Variants in SEMA6D observed in about 807,000 individuals in gnomAD.
SEMA6D encodes the protein semaphorin-6D.
A neutral mutation model predicts 106.6 loss-of-function variants in SEMA6D; 35 were observed. That is an observed-to-expected ratio of 0.33 (90% CI 0.25 to 0.44). The LOEUF is 0.44. Among genes scored for constraint, SEMA6D ranks in the 20% least tolerant of loss-of-function variants. The probability of loss-of-function intolerance (pLI) is 1.00; values close to 1 mark genes in which losing one functional copy is unlikely to be tolerated. For missense variants in SEMA6D, 1,185 were observed against 1,345.9 expected (o/e 0.88, Z 1.87); for synonymous variants, 499 against 487.7 (o/e 1.02, Z -0.31).
chr15:47,187,706 G>A (rs549749362), intron 1 of SEMA6D, among the ~76,000 whole-genome samples: 1 of 152,038 alleles, frequency 6.6e-6, no homozygotes, highest in African/African-American at 2.4e-5. Flanking sequence ...TTAATACTAT[G>A]TTGGGTCTGA....
intron 1 of SEMA6D, among the ~76,000 whole-genome samples, chr15:47,220,345 C>A (rs921711744): frequency 1.3e-5 from 2 of 152,068 alleles, no homozygotes; most frequent in African/African-American, 4.8e-5. Context: ...TTGTGGTGAG[C>A]TAGGTGATTG....
intron 4 of SEMA6D, among the ~76,000 whole-genome samples, chr15:47,658,837 C>T (rs2077858250): frequency 6.6e-6 from 1 of 152,056 alleles, no homozygotes; most frequent in African/African-American, 2.4e-5. Flanking sequence ...TCCACAAACA[C>T]ACACACATAT....
chr15:47,206,958 A>G (rs888800064), intron 1 of SEMA6D, among the ~76,000 whole-genome samples: 6 of 152,174 alleles, frequency 3.9e-5, no homozygotes, highest in African/African-American at 1.4e-4. Flanking sequence ...TTAAAAAACA[A>G]ATAAGAGAGA....
chr15:47,369,155 C>T (rs1436410494), intron 1 of SEMA6D, among the ~76,000 whole-genome samples: 1 of 152,140 alleles, frequency 6.6e-6, no homozygotes, highest in African/African-American at 2.4e-5. Flanking sequence ...ATTTAAGTGG[C>T]TTCTGGAGTG....
At chr15:47,193,909 G>C (rs1280987553) in intron 1 of SEMA6D, among the ~76,000 whole-genome samples, 1 of 151,846 alleles carries the variant, frequency 6.6e-6, no homozygotes, top group African/African-American at 2.4e-5. Flanking sequence ...CTTTTCTTTT[G>C]TTTGGTTAAC....
At chr15:47,727,416 G>T (rs1039200442) in intron 1 of SEMA6D, among the ~76,000 whole-genome samples, 4 of 152,200 alleles carry the variant, frequency 2.6e-5, no homozygotes, top group African/African-American at 7.2e-5. Flanking sequence ...TGGTGCTCTA[G>T]TGTAGCCAGA....
intron 1 of SEMA6D, among the ~76,000 whole-genome samples, chr15:47,204,747 A>G (rs139567079): frequency 1.6e-4 from 24 of 152,310 alleles, no homozygotes; most frequent in Middle Eastern, 3.4e-3. Context: ...TATATGAATT[A>G]AATGAAATAA....
intron 2 of SEMA6D, among the ~76,000 whole-genome samples, chr15:47,457,148 A>T (rs1431473851): frequency 6.6e-6 from 1 of 152,004 alleles, no homozygotes; most frequent in East Asian, 1.9e-4. Context: ...ATTCCTAAAG[A>T]CTGCTCTGGT....
intron 1 of SEMA6D, among the ~76,000 whole-genome samples, chr15:47,202,254 C>T (rs1373805403): frequency 6.6e-6 from 1 of 151,984 alleles, no homozygotes; most frequent in Admixed American, 6.6e-5. Flanking sequence ...AATAATTGGT[C>T]ACAGCCAGTC....
intron 1 of SEMA6D, among the ~76,000 whole-genome samples, chr15:47,314,412 A>C (rs938327040): frequency 2.3e-4 from 34 of 150,298 alleles, no homozygotes; most frequent in Non-Finnish European, 2.8e-4. Context: ...TCCTGGCTAA[A>C]ACGGTGAAAC....
chr15:47,282,671 A>G (rs193045410), intron 1 of SEMA6D, among the ~76,000 whole-genome samples: 53 of 152,268 alleles, frequency 3.5e-4, no homozygotes, highest in Admixed American at 9.2e-4. Context: ...AGGAAATTGT[A>G]CAGAACAGAA....
chr15:47,307,899 A>G (rs996903004), intron 1 of SEMA6D, among the ~76,000 whole-genome samples: 3 of 152,200 alleles, frequency 2.0e-5, no homozygotes, highest in Non-Finnish European at 2.9e-5. Flanking sequence ...AGAGATCTGT[A>G]TGCCATGACA....
chr15:47,676,952 G>C (rs2078258254), intron 4 of SEMA6D, among the ~76,000 whole-genome samples: 1 of 152,028 alleles, frequency 6.6e-6, no homozygotes, highest in African/African-American at 2.4e-5. Flanking sequence ...GTGGTTCCGG[G>C]ATGAAACTGT....
At position 47,771,588 on chromosome 15, in the gene SEMA6D, G is replaced by A. The variant is rs747447009; in HGVS notation, c.3025G>A (p.Val1009Met). 6.2e-7 allele frequency: 1 copy of A among 1,614,128 alleles called. No individual in the cohort carries two copies. The change falls in exon 19 of 19, where the codon GTG becomes ATG. Residue 1009 changes from valine (V) to methionine (M), a missense_variant. By Grantham distance (21) the Val-to-Met change is conservative (BLOSUM62 1). Around this residue, in one of 3 missense-constraint regions of SEMA6D, gnomAD observed 750 missense variants for 783.5 expected, o/e 0.96. Transcript: ENST00000536845. ...TATGCCCACCCCCACTGGGGCGAAG[G>A]TGGACTATATTCAGGGAACACCAGT... ...GYMPTPTGAK[V>M]DYIQGTPVSV...
intron 1 of SEMA6D, among the ~76,000 whole-genome samples, chr15:47,223,289 A>G (rs1355034982): frequency 1.3e-5 from 2 of 152,112 alleles, no homozygotes; most frequent in African/African-American, 2.4e-5. Context: ...ATATGTTTTC[A>G]AAAGTCTTAC....
chr15:47,757,057 C>G (rs560110579), intron 1 of SEMA6D, among the ~76,000 whole-genome samples: 1 of 152,192 alleles, frequency 6.6e-6, no homozygotes, highest in East Asian at 1.9e-4. Flanking sequence ...AATGATAGCT[C>G]AGCCAGCAGC....
chr15:47,721,244 A>G (rs989459689), intron 1 of SEMA6D, among the ~76,000 whole-genome samples: 3 of 152,254 alleles, frequency 2.0e-5, no homozygotes, highest in Non-Finnish European at 4.4e-5. Flanking sequence ...TATTCTAGAG[A>G]TTTTAAAGCA....
intron 1 of SEMA6D, among the ~76,000 whole-genome samples, chr15:47,289,685 G>A (rs1035398198): frequency 2.6e-5 from 4 of 151,910 alleles, no homozygotes; most frequent in Non-Finnish European, 5.9e-5. Flanking sequence ...CAAAGCAGGG[G>A]GCCAGATATT....
chr15:47,227,243 G>A (rs368627603), intron 1 of SEMA6D, among the ~76,000 whole-genome samples: 2 of 151,886 alleles, frequency 1.3e-5, no homozygotes, highest in East Asian at 3.9e-4. Context: ...GCTTAGAAAA[G>A]CTCCTACTTC....
Sources: gnomAD v4.1 joint callset for allele counts (sites outside exome capture counted in the v4.1 genomes callset) on GRCh38, gnomAD v4.1.1 for gene constraint, gnomAD v4.1.1 regional missense constraint, MANE v1.5 for transcripts, NCBI Gene and HGNC (gene_info 2026-07-23, HGNC 2026-07-21) for gene names.